Variants in TRPM3 observed in about 807,000 individuals in gnomAD.
TRPM3 encodes transient receptor potential cation channel subfamily M member 3, also known as long transient receptor potential channel 3.
Under a neutral mutation model 181.2 loss-of-function variants are expected in TRPM3, and 77 were observed. The observed-to-expected ratio is 0.42, with a 90% CI of 0.35 to 0.51. The LOEUF is 0.51. TRPM3 is among the 20% of genes least tolerant of loss of function. The pLI, the probability that TRPM3 is intolerant of heterozygous loss-of-function variation, is 0.01. For missense variants in TRPM3, 1,759 were observed against 2,196.7 expected, an observed-to-expected ratio of 0.80 and a Z score of 3.98; for synonymous variants, 745 against 796.4, an observed-to-expected ratio of 0.94 and a Z score of 1.09.
chr9:70,863,010 G>T lies in TRPM3; in HGVS notation c.360C>A (p.Ile120=), dbSNP rs774862975. ...KNESRLSRND[I]QSEKWSISKH... is the part of the protein sequence containing the mutation. Reference sequence around the variant, plus strand: ...TGCTGATGGACCACTTTTCAGACTGGATGTCATTTCGGGAGAGGCGACTTT... The same window carrying T: ...TGCTGATGGACCACTTTTCAGACTGTATGTCATTTCGGGAGAGGCGACTTT... Residue 120 remains isoleucine, a synonymous_variant, in exon 3 of 26, where the codon ATC becomes ATA. Transcript: ENST00000677713. The T allele has an allele frequency of 1.2e-6, 2 of 1,613,674 alleles. No individual in the cohort carries two copies. Among genetic ancestry groups the T allele is most frequent in the South Asian group, 2.2e-5 (2 of 91,070 alleles).
chr9:71,396,022 T>C (rs575539324), intron 1 of TRPM3, among the ~76,000 whole-genome samples: 1 of 152,204 alleles, frequency 6.6e-6, no homozygotes, highest in South Asian at 2.1e-4. Flanking sequence ...GAAACGTTAA[T>C]AAAAATGAGA....
intron 22 of TRPM3, among the ~76,000 whole-genome samples, chr9:70,555,919 G>A (rs562019491): frequency 6.6e-6 from 1 of 152,320 alleles, no homozygotes; most frequent in Non-Finnish European, 1.5e-5. Context: ...TTTTACAAAT[G>A]TGTTCCCTGA....
At chr9:70,965,660 T>C (rs1200196018) in intron 1 of TRPM3, among the ~76,000 whole-genome samples, 1 of 152,140 alleles carries the variant, frequency 6.6e-6, no homozygotes, top group Non-Finnish European at 1.5e-5. Flanking sequence ...CTTTTTGATA[T>C]GCTGCTGGAT....
At position 70,906,405 on chromosome 9, in the gene TRPM3, G is replaced by A. The variant is rs146266946; in HGVS notation, c.178-41894C>T. Among the ~76,000 whole-genome samples, 1,151 of 152,292 alleles carry A rather than the reference G, an allele frequency of 7.6e-3. 17 individuals are homozygous for A. Among genetic ancestry groups the A allele is most frequent in the African/African-American group, 0.026 (1,090 of 41,560 alleles). On this transcript the variant is annotated intron_variant, in intron 1 of 25. Transcript: ENST00000677713. Reference sequence around the variant, plus strand: ...CTCACTGGGCCTGAGCGCTGAAAGAGAGGGCCGAAATCAAAGGCAGATAGG... The same window carrying A: ...CTCACTGGGCCTGAGCGCTGAAAGAAAGGGCCGAAATCAAAGGCAGATAGG...
intron 22 of TRPM3, among the ~76,000 whole-genome samples, chr9:70,559,191 G>A (rs1422608232): frequency 6.6e-6 from 1 of 152,162 alleles, no homozygotes; most frequent in Non-Finnish European, 1.5e-5. Context: ...AACACTACCT[G>A]GCACATAGTA....
intron 1 of TRPM3, among the ~76,000 whole-genome samples, chr9:70,979,016 T>A (rs2097335662): frequency 6.6e-6 from 1 of 152,110 alleles, no homozygotes; most frequent in South Asian, 2.1e-4. Context: ...TTGAGATGAG[T>A]CATCTCAAGG....
chr9:70,601,179 C>T (rs1376918272), intron 20 of TRPM3, among the ~76,000 whole-genome samples: 2 of 152,108 alleles, frequency 1.3e-5, no homozygotes, highest in African/African-American at 4.8e-5. Context: ...TGCAGTGGGA[C>T]GTCATCATAG....
chr9:70,976,897 G>A (rs1252389526), intron 1 of TRPM3, among the ~76,000 whole-genome samples: 2 of 152,162 alleles, frequency 1.3e-5, no homozygotes, highest in African/African-American at 2.4e-5. Flanking sequence ...TGCTGCCACT[G>A]ATGGACAGTG....
intron 1 of TRPM3, among the ~76,000 whole-genome samples, chr9:71,241,481 C>T (rs2081673630): frequency 7.1e-6 from 1 of 140,286 alleles, no homozygotes; most frequent in Non-Finnish European, 1.5e-5. Flanking sequence ...GAACATCACA[C>T]ACCGGGGCCT....
At chr9:70,980,363 AG>A (rs2097352771) in intron 1 of TRPM3, among the ~76,000 whole-genome samples, 1 of 151,456 alleles carries the variant, frequency 6.6e-6, no homozygotes, top group East Asian at 1.9e-4. Flanking sequence ...CACAGTCAGA[AG>A]GGGGAAAGAG....
intron 1 of TRPM3, among the ~76,000 whole-genome samples, chr9:71,324,236 ATAAG>A (rs550204025): frequency 6.1e-4 from 93 of 152,290 alleles, no homozygotes; most frequent in Middle Eastern, 3.4e-3. Context: ...TAGGAAAATG[ATAAG>A]TAATAATTGG....
intron 7 of TRPM3, chr9:70,783,829 A>C: frequency 9.3e-7 from 1 of 1,079,332 alleles, no homozygotes; most frequent in Non-Finnish European, 1.1e-6. Context: ...ATACGAAGAG[A>C]AGAAAAAGGA....
intron 1 of TRPM3, among the ~76,000 whole-genome samples, chr9:71,441,186 C>A (rs749268364): frequency 2.6e-5 from 4 of 151,746 alleles, no homozygotes; most frequent in Admixed American, 1.3e-4. Context: ...GATATTATTT[C>A]AGAAATGCTT....
intron 1 of TRPM3, among the ~76,000 whole-genome samples, chr9:71,098,313 G>A (rs2067671574): frequency 6.6e-6 from 1 of 152,060 alleles, no homozygotes; most frequent in South Asian, 2.1e-4. Context: ...TTAGTGTGTA[G>A]GAATTAATGA....
chr9:71,264,305 A>C (rs992142091), intron 1 of TRPM3, among the ~76,000 whole-genome samples: 1 of 152,170 alleles, frequency 6.6e-6, no homozygotes, highest in Non-Finnish European at 1.5e-5. Context: ...ATTCATTCAT[A>C]TTGACAAAAG....
intron 7 of TRPM3, among the ~76,000 whole-genome samples, chr9:70,767,245 GA>G (rs1479980619): frequency 6.6e-6 from 1 of 152,160 alleles, no homozygotes; most frequent in Non-Finnish European, 1.5e-5. Context: ...CTATGTTTGG[GA>G]AATGGAGATA....
intron 1 of TRPM3, among the ~76,000 whole-genome samples, chr9:71,193,586 C>G (rs567377183): frequency 9.2e-5 from 14 of 152,032 alleles, no homozygotes; most frequent in African/African-American, 3.4e-4. Flanking sequence ...TTCTATTAAT[C>G]TCCGAAACTG....
chr9:71,329,640 A>C (rs1384587834), intron 1 of TRPM3, among the ~76,000 whole-genome samples: 1 of 152,238 alleles, frequency 6.6e-6, no homozygotes, highest in African/African-American at 2.4e-5. Flanking sequence ...GTAGCCATGA[A>C]GACAAATCAA....
chr9:71,299,080 T>C (rs951636490), intron 1 of TRPM3, among the ~76,000 whole-genome samples: 1 of 152,174 alleles, frequency 6.6e-6, no homozygotes, highest in African/African-American at 2.4e-5. Flanking sequence ...CAGAACTTTC[T>C]AGTGCACACC....
Sources: gnomAD v4.1 joint callset for allele counts (sites outside exome capture counted in the v4.1 genomes callset) on GRCh38, gnomAD v4.1.1 for gene constraint, MANE v1.5 for transcripts, NCBI Gene and HGNC (gene_info 2026-07-23, HGNC 2026-07-21) for gene names.